WWOX: variants seen among roughly 807,000 people sequenced by gnomAD.
The protein encoded by WWOX is WW domain-containing oxidoreductase.
A neutral mutation model predicts 46.2 loss-of-function variants in WWOX; 69 were observed. The ratio of observed to expected loss-of-function variants is 1.49; its 90% CI spans 1.23 to 1.82. The LOEUF is 1.82. Among genes scored for constraint, WWOX ranks in the 40% most tolerant of loss-of-function variants. The pLI is 0.00. For missense variants in WWOX, 919 were observed against 542.6 expected (o/e 1.69, Z -6.89); for synonymous variants, 359 against 202.6 (o/e 1.77, Z -6.56).
chr16:78,452,392 A>G (rs747666122), intron 8 of WWOX, among the ~76,000 whole-genome samples: 5 of 151,528 alleles, frequency 3.3e-5, no homozygotes, highest in Admixed American at 6.6e-5. Context: ...TTTTAATTAG[A>G]TATGTTTGTG....
chr16:78,370,332 A>C (rs984314711), intron 5 of WWOX, among the ~76,000 whole-genome samples: 1 of 152,122 alleles, frequency 6.6e-6, no homozygotes, highest in African/African-American at 2.4e-5. Flanking sequence ...TTCATATGTA[A>C]GTGTTCTTAG....
At chr16:78,200,494 C>G (rs1054759654) in intron 5 of WWOX, among the ~76,000 whole-genome samples, 1 of 150,058 alleles carries the variant, frequency 6.7e-6, no homozygotes, top group Non-Finnish European at 1.5e-5. Context: ...TCACACTGGT[C>G]TTGTCCAGGT....
At chr16:78,411,272 C>A (rs141990998) in intron 6 of WWOX, among the ~76,000 whole-genome samples, 2 of 152,210 alleles carry the variant, frequency 1.3e-5, no homozygotes, top group African/African-American at 4.8e-5. Context: ...GTTATTCTAT[C>A]CATTAGTAGT....
At chr16:78,896,720 A>G (rs926251181) in intron 8 of WWOX, 2 of 151,728 alleles carry the variant, frequency 1.3e-5, no homozygotes, top group South Asian at 4.1e-4. Context: ...TTACTAATAT[A>G]AAATTGGGCC....
In WWOX at chr16:78,164,360, C is replaced by T. The variant is rs76347249; in HGVS notation, c.516+71C>T. ...TGCCGGGCTAACCATATGGAGATTT[C>T]AGTGGAGTGTGTAAAGTTTATTGCT... On this transcript the variant is annotated intron_variant, in intron 5 of 8. Transcript: ENST00000566780. 7.8e-3 allele frequency: 10,527 copies of T among 1,342,890 alleles called. 87 individuals are homozygous for T. The highest frequency in any genetic ancestry group is 0.027 in the African/African-American group (1,897 of 69,690). 83.2% of individuals were successfully genotyped at this position (1,342,890 alleles called of 1,614,324 possible).
chr16:78,609,769 A>G (rs1179991486), intron 8 of WWOX, among the ~76,000 whole-genome samples: 3 of 152,244 alleles, frequency 2.0e-5, no homozygotes, highest in Admixed American at 6.5e-5. Flanking sequence ...TCCAAAGTAC[A>G]GGAAGCTATA....
intron 2 of WWOX, 54 bp from the exon 3 acceptor site, chr16:78,109,724 G>A: frequency 1.9e-6 from 3 of 1,601,108 alleles, no homozygotes; most frequent in Admixed American, 1.7e-5. Flanking sequence ...CCTGACCCAG[G>A]GATGGTCTTT....
chr16:78,678,295 G>C (rs1036239314), intron 8 of WWOX, among the ~76,000 whole-genome samples: 1 of 152,184 alleles, frequency 6.6e-6, no homozygotes, highest in Non-Finnish European at 1.5e-5. Context: ...AGGATCGCTT[G>C]AGCCCAGGAG....
At chr16:78,454,672 AT>A (rs146012911) in intron 8 of WWOX, among the ~76,000 whole-genome samples, 2 of 151,446 alleles carry the variant, frequency 1.3e-5, no homozygotes, top group South Asian at 2.1e-4. Context: ...TACCTGGGGA[AT>A]TTTTTTTTGT....
chr16:78,180,397 C>T (rs2042354), intron 5 of WWOX, among the ~76,000 whole-genome samples: 22,396 of 151,414 alleles, frequency 0.15, 2,006 homozygotes, highest in East Asian at 0.22. Flanking sequence ...CATATGTTAG[C>T]CCTACTGGGT....
intron 5 of WWOX, among the ~76,000 whole-genome samples, chr16:78,362,765 G>A (rs2081438981): frequency 6.6e-6 from 1 of 152,184 alleles, no homozygotes; most frequent in African/African-American, 2.4e-5. Context: ...AACTTACTAT[G>A]TGTCCAGTAG....
At chr16:78,446,878 C>A (rs943123568) in intron 8 of WWOX, among the ~76,000 whole-genome samples, 1 of 152,024 alleles carries the variant, frequency 6.6e-6, no homozygotes, top group Admixed American at 6.6e-5. Flanking sequence ...CCAGGCTGGA[C>A]ATGAACTTCT....
At chr16:79,131,951 T>C (rs754440186) in intron 8 of WWOX, among the ~76,000 whole-genome samples, 4 of 151,998 alleles carry the variant, frequency 2.6e-5, no homozygotes, top group African/African-American at 4.8e-5. Context: ...AACCATCAGA[T>C]CTCACGAGAC....
intron 8 of WWOX, among the ~76,000 whole-genome samples, chr16:78,908,519 GAC>G (rs900722951): frequency 1.4e-5 from 2 of 139,476 alleles, no homozygotes; most frequent in African/African-American, 5.2e-5. Flanking sequence ...CAGCCTGGGC[GAC>G]AGACTGAAAC....
At chr16:78,421,487 G>C (rs968154956) in intron 6 of WWOX, among the ~76,000 whole-genome samples, 1 of 152,146 alleles carries the variant, frequency 6.6e-6, no homozygotes, top group Non-Finnish European at 1.5e-5. Flanking sequence ...CTCATTTTAA[G>C]ATGTGGGACT....
chr16:79,168,856 C>T (rs902148236), intron 8 of WWOX, among the ~76,000 whole-genome samples: 11 of 152,256 alleles, frequency 7.2e-5, no homozygotes, highest in South Asian at 2.1e-4. Context: ...GCTGTGGCCT[C>T]GAGTTCCTTA....
intron 8 of WWOX, among the ~76,000 whole-genome samples, chr16:78,690,157 G>C (rs150826741): frequency 5.3e-5 from 8 of 152,086 alleles, no homozygotes; most frequent in African/African-American, 1.9e-4. Context: ...CACCGAGCCC[G>C]GCCAGGATAA....
chr16:78,413,500 C>A (rs3206585), intron 6 of WWOX, among the ~76,000 whole-genome samples: 5,314 of 152,150 alleles, frequency 0.035, 288 homozygotes, highest in African/African-American at 0.12. Flanking sequence ...GGGAGAATTA[C>A]AAAGAACCTT....
chr16:78,987,188 C>T (rs753463810), intron 8 of WWOX, among the ~76,000 whole-genome samples: 1 of 152,188 alleles, frequency 6.6e-6, no homozygotes, highest in Non-Finnish European at 1.5e-5. Context: ...TTTAATGTCT[C>T]CCTGCATCAC....
Sources: gnomAD v4.1 joint callset for allele counts (sites outside exome capture counted in the v4.1 genomes callset) on GRCh38, gnomAD v4.1.1 for gene constraint, MANE v1.5 for transcripts, NCBI Gene and HGNC (gene_info 2026-07-23, HGNC 2026-07-21) for gene names.